AAGAB: variants seen among roughly 807,000 people sequenced by gnomAD.
The protein encoded by AAGAB is alpha and gamma adaptin binding protein.
A neutral mutation model predicts 44.1 loss-of-function variants in AAGAB; 38 were observed. The observed-to-expected ratio is 0.86, with a 90% CI of 0.67 to 1.13. AAGAB has a LOEUF of 1.13. Among genes scored for constraint, AAGAB ranks in the 50% most tolerant of loss-of-function variants. The probability of loss-of-function intolerance (pLI) is 0.00; values close to 1 mark genes in which losing one functional copy is unlikely to be tolerated. For missense variants in AAGAB, 450 were observed against 373.8 expected, an observed-to-expected ratio of 1.20 and a Z score of -1.68; for synonymous variants, 131 against 131.8, an observed-to-expected ratio of 0.99 and a Z score of 0.04.
At position 67,236,817 on chromosome 15, in the gene AAGAB, A is replaced by G; in HGVS notation, c.77T>C (p.Ile26Thr). 6.3e-7 allele frequency: 1 copy of G among 1,598,966 alleles called. No homozygotes were observed. The highest frequency in any genetic ancestry group is 8.5e-7 in the Non-Finnish European group (1 of 1,173,550). Residue 26 changes from isoleucine (I) to threonine (T), a missense_variant, in exon 2 of 10, where the codon ATC becomes ACC. Transcript: ENST00000261880. Reference protein sequence around the residue: ...VFSGDQLVQHILGTEDLIVEV... With the variant: ...VFSGDQLVQHTLGTEDLIVEV... Reference sequence around the variant, plus strand: ...CACAATAAGATCTTCTGTTCCAAGGATATCTAAAAATAAATGACAACATTA... The same window carrying G: ...CACAATAAGATCTTCTGTTCCAAGGGTATCTAAAAATAAATGACAACATTA...
intron 5 of AAGAB, among the ~76,000 whole-genome samples, chr15:67,224,600 T>TTTA (rs1447296751): frequency 6.6e-6 from 1 of 151,140 alleles, no homozygotes; most frequent in African/African-American, 2.4e-5. Context: ...TTTTTTTTTT[T>TTTA]TGAGCAGTCT....
chr15:67,227,947 A>T (rs1262123693), intron 5 of AAGAB, among the ~76,000 whole-genome samples: 1 of 152,226 alleles, frequency 6.6e-6, no homozygotes, highest in African/African-American at 2.4e-5. Context: ...AGTACTGTCA[A>T]GAAAAAAAAA....
intron 1 of AAGAB, among the ~76,000 whole-genome samples, chr15:67,244,605 C>A (rs906948182): frequency 1.3e-5 from 2 of 152,018 alleles, no homozygotes; most frequent in Non-Finnish European, 2.9e-5. Context: ...GAATGTGAGA[C>A]AAGGCTGCCC....
intron 1 of AAGAB, among the ~76,000 whole-genome samples, chr15:67,239,187 C>A (rs561158397): frequency 6.6e-6 from 1 of 152,122 alleles, no homozygotes; most frequent in South Asian, 2.1e-4. Flanking sequence ...AAACTGATAT[C>A]AAAAAATTGG....
At chr15:67,209,741 G>A (rs1182099029) in intron 5 of AAGAB, among the ~76,000 whole-genome samples, 197 bp from the exon 6 acceptor site, 1 of 152,168 alleles carries the variant, frequency 6.6e-6, no homozygotes, top group East Asian at 1.9e-4. Flanking sequence ...CAACCTTGAA[G>A]TCCTGGGCTC....
rs147690828 is a variant in AAGAB, at chr15:67,238,109, T to C, written c.74-1289A>G. On this transcript the variant is annotated intron_variant, in intron 1 of 9. Coordinates refer to ENST00000261880, the MANE Select transcript of AAGAB (RefSeq NM_024666.5). ...AAGAATAAAAGGTCGGCCCTTTTTT[T>C]AGCAAAAAAATTAAATTTAAAATAA... Among the ~76,000 whole-genome samples the C allele has an allele frequency of 6.8e-4, 104 of 152,250 alleles. 4 individuals are homozygous for C. In the East Asian group the frequency reaches 0.012, roughly 17 times the overall value.
chr15:67,236,643 A>G lies in AAGAB; in HGVS notation c.251T>C (p.Phe84Ser). Reference protein sequence around the residue: ...AESVQAFVVYFDSTQKSGLDS... With the variant: ...AESVQAFVVYSDSTQKSGLDS... ...ACAAAGTCTTACTTGTGTGCTGTCA[A>G]AGTAAACCACAAATGCTTGGACAGA... The change falls in exon 2 of 10, where the codon TTT (phenylalanine) becomes TCT (serine). Residue 84 changes from phenylalanine to serine, a missense_variant. Physicochemically the swap from Phe to Ser is radical, Grantham distance 155. Transcript: ENST00000261880. 6.2e-7 allele frequency: 1 copy of G among 1,613,362 alleles called. No individual in the cohort carries two copies. Among genetic ancestry groups the G allele is most frequent in the South Asian group, 1.1e-5 (1 of 90,712 alleles).
rs995927420 is a variant in AAGAB at position 67,243,453 on chromosome 15, G to T, written c.74-6633C>A. Among the ~76,000 whole-genome samples the T allele has an allele frequency of 4.6e-5, 7 of 152,202 alleles. No individual in the cohort carries two copies. In the East Asian group the frequency reaches 1.4e-3, roughly 29 times the overall value. ...ACCCCTAAAGCAGTGGTTCTCTATG[G>T]GGATGTGATTCTCCCCAATCCTGCC... On this transcript the variant is annotated intron_variant, in intron 1 of 9. Transcript: ENST00000261880.
Position 67,208,573 on chromosome 15 carries a change from TC to T in AAGAB, c.703del (p.Asp235IlefsTer8), listed in dbSNP as rs780272145. On this transcript the variant is annotated frameshift_variant, in exon 7 of 10. Transcript: ENST00000261880. LOFTEE classifies it high-confidence loss of function. ...AAGGAGGAACTTACCCACAATGCTA[TC>T]AACCTGGGCATCTGTTGTGTTAGAT... ...GASNTTDAQV[D>X]SIVDPMLDLD... 1 of 1,614,066 alleles carries T rather than the reference TC, an allele frequency of 6.2e-7. No homozygotes were observed. Among genetic ancestry groups the T allele is most frequent in the African/African-American group, 1.3e-5 (1 of 75,038 alleles).
upstream of AAGAB, chr15:67,254,981 C>T (rs1965073661): frequency 1.9e-6 from 3 of 1,599,400 alleles, no homozygotes; most frequent in East Asian, 6.8e-5. Context: ...CCTGCCCTGC[C>T]CAGCCGCGCC....
intron 1 of AAGAB, among the ~76,000 whole-genome samples, chr15:67,242,001 G>A (rs1023133433): frequency 2.0e-5 from 3 of 152,194 alleles, no homozygotes; most frequent in Non-Finnish European, 4.4e-5. Context: ...ATAGGAGGCA[G>A]CAGAGTCTGA....
Position 67,254,654 on chromosome 15 carries a change from C to T in AAGAB, c.-23G>A, listed in dbSNP as rs373466809. The stretch of plus-strand genomic sequence containing the variant: ...CATAGCTGCGCTCGCGAGCCGGTTC[C>T]GTCAGGCAGCCGCTTCCGCCTTGGG... On this transcript the variant is annotated 5_prime_UTR_variant, in exon 1 of 10. Coordinates refer to ENST00000261880, the MANE Select transcript of AAGAB (RefSeq NM_024666.5). The T allele has an allele frequency of 1.1e-4, 172 of 1,597,472 alleles. No individual in the cohort carries two copies. In the African/African-American group the frequency reaches 2.1e-3, roughly 19 times the overall value.
chr15:67,208,433 T>C (rs1331228757), intron 7 of AAGAB, 129 bp downstream of exon 7: 1 of 663,240 alleles, frequency 1.5e-6, no homozygotes, highest in Non-Finnish European at 2.6e-6. Flanking sequence ...CTCACATTCA[T>C]GTGTGGTATA....
chr15:67,202,511 G>T lies in AAGAB; in HGVS notation c.*310C>A. On this transcript the variant is annotated 3_prime_UTR_variant, in exon 10 of 10. Transcript: ENST00000261880. ...GTTGACCAGGAATGGCCTGGAGGTT[G>T]TCTTCAACTTGAGTAAATCACACAG... 3.3e-6 allele frequency: 1 copy of T among 301,314 alleles called. No individual in the cohort carries two copies. 18.7% of individuals were successfully genotyped at this position (301,314 alleles called of 1,614,324 possible). A position where few individuals can be genotyped will look rare whatever the true frequency, so the allele number is the denominator to read the frequency against.
intron 5 of AAGAB, among the ~76,000 whole-genome samples, chr15:67,227,307 A>G (rs537480303): frequency 1.2e-4 from 18 of 152,326 alleles, no homozygotes; most frequent in Admixed American, 7.8e-4. Flanking sequence ...AATGTCTTGA[A>G]AAAGGTAACC....
intron 7 of AAGAB, among the ~76,000 whole-genome samples, chr15:67,205,365 G>A (rs1963662299): frequency 6.6e-6 from 1 of 152,210 alleles, no homozygotes; most frequent in African/African-American, 2.4e-5. Context: ...TAGGAAGTTG[G>A]TATATAGGGC....
chr15:67,243,437 G>A (rs1964650811), intron 1 of AAGAB, among the ~76,000 whole-genome samples: 1 of 152,120 alleles, frequency 6.6e-6, no homozygotes, highest in African/African-American at 2.4e-5. Flanking sequence ...TACCCCTAAA[G>A]CAGTGGTTCT....
chr15:67,226,401 C>T (rs566410481), intron 5 of AAGAB, among the ~76,000 whole-genome samples: 106 of 152,252 alleles, frequency 7.0e-4, no homozygotes, highest in African/African-American at 2.4e-3. Flanking sequence ...GGATTTCGGG[C>T]GTGAGACACC....
chr15:67,232,344 A>T lies in AAGAB; in HGVS notation c.452-447T>A, dbSNP rs1016446207. On this transcript the variant is annotated intron_variant, in intron 4 of 9. Transcript: ENST00000261880. The stretch of plus-strand genomic sequence containing the variant: ...CTTGTTTATTTAGTTGTTAGTTCAC[A>T]TCATACAAGGAAAAAAATCAAATAC... 1.7e-5 allele frequency: 3 copies of T among 179,976 alleles called. No homozygotes were observed. The East Asian group carries it at 4.7e-4, about 28-fold the overall frequency. 11.1% of individuals were successfully genotyped at this position (179,976 alleles called of 1,614,324 possible).
Sources: allele counts gnomAD v4.1 joint callset (sites outside exome capture counted in the v4.1 genomes callset), GRCh38; gene constraint gnomAD v4.1.1; transcripts MANE v1.5; gene names NCBI Gene and HGNC (gene_info 2026-07-23, HGNC 2026-07-21).